ROBO2: variants seen among roughly 807,000 people sequenced by gnomAD.
The protein encoded by ROBO2 is roundabout homolog 2.
ROBO2 carries 53 observed loss-of-function variants against 160.8 expected under a neutral mutation model. That is an observed-to-expected ratio of 0.33 (90% CI 0.26 to 0.41). The LOEUF (loss-of-function observed/expected upper bound fraction) is 0.41. Among genes scored for constraint, ROBO2 ranks in the 10% least tolerant of loss-of-function variants. The pLI is 1.00. For synonymous variants in ROBO2, 664 were observed against 611.7 expected, an observed-to-expected ratio of 1.09 and a Z score of -1.26; for missense variants, 1,577 against 1,722.4, an observed-to-expected ratio of 0.92 and a Z score of 1.49.
At chr3:77,182,364 C>T (rs1045080763) in intron 2 of ROBO2, among the ~76,000 whole-genome samples, 9 of 151,968 alleles carry the variant, frequency 5.9e-5, no homozygotes, top group Non-Finnish European at 1.2e-4. Context: ...CTTAAAGGAT[C>T]GCTTGTCTAG....
At chr3:77,137,962 A>T (rs996545534) in intron 2 of ROBO2, among the ~76,000 whole-genome samples, 7 of 150,954 alleles carry the variant, frequency 4.6e-5, no homozygotes, top group Admixed American at 2.0e-4. Context: ...ATTTAACAGA[A>T]TTTTTTTTTT....
At chr3:76,837,459 A>T (rs2067802793) in intron 2 of ROBO2, among the ~76,000 whole-genome samples, 1 of 151,808 alleles carries the variant, frequency 6.6e-6, no homozygotes, top group Non-Finnish European at 1.5e-5. Context: ...TATCCCTTGA[A>T]GAGTTAAACC....
At chr3:76,967,183 C>A (rs1188425154) in intron 2 of ROBO2, among the ~76,000 whole-genome samples, 1 of 151,452 alleles carries the variant, frequency 6.6e-6, no homozygotes, top group Non-Finnish European at 1.5e-5. Context: ...TACACTGGCA[C>A]AAGCTGATGT....
At chr3:76,009,383 G>A (rs1385234013) in intron 2 of ROBO2, among the ~76,000 whole-genome samples, 5 of 152,184 alleles carry the variant, frequency 3.3e-5, no homozygotes, top group Admixed American at 2.6e-4. Context: ...GATTACAGGC[G>A]TAAGCCACCG....
intron 2 of ROBO2, among the ~76,000 whole-genome samples, chr3:76,874,435 A>C (rs868619416): frequency 6.6e-6 from 1 of 152,130 alleles, no homozygotes; most frequent in Non-Finnish European, 1.5e-5. Context: ...CTTTCTTTTT[A>C]AACTACATAA....
At chr3:77,124,252 G>T (rs920450084) in intron 2 of ROBO2, among the ~76,000 whole-genome samples, 1 of 152,138 alleles carries the variant, frequency 6.6e-6, no homozygotes, top group Non-Finnish European at 1.5e-5. Context: ...TCCTTCTTCA[G>T]AAGATGTCTT....
At chr3:76,088,942 C>T (rs560987196) in intron 2 of ROBO2, among the ~76,000 whole-genome samples, 6 of 151,692 alleles carry the variant, frequency 4.0e-5, no homozygotes, top group South Asian at 2.1e-4. Flanking sequence ...TTGGAAAGAT[C>T]GGAGTGGAAG....
chr3:76,874,295 T>C (rs1311841392), intron 2 of ROBO2, among the ~76,000 whole-genome samples: 1 of 152,196 alleles, frequency 6.6e-6, no homozygotes, highest in Admixed American at 6.5e-5. Context: ...ATTAAGAATC[T>C]TCCAAAGTCA....
exon 17 of ROBO2, chr3:77,588,907 A>C (rs746360677): frequency 1.2e-6 from 2 of 1,613,310 alleles, no homozygotes; most frequent in African/African-American, 2.7e-5. Flanking sequence ...CGAAGAAAGA[A>C]GAGGAAGGGA....
intron 2 of ROBO2, among the ~76,000 whole-genome samples, chr3:77,226,795 T>G (rs58963696): frequency 1.1e-3 from 173 of 152,188 alleles, no homozygotes; most frequent in African/African-American, 3.9e-3. Flanking sequence ...GTGTTAAATA[T>G]CTCATAAAAT....
intron 2 of ROBO2, among the ~76,000 whole-genome samples, chr3:77,165,285 CAT>C (rs1238738505): frequency 6.7e-6 from 1 of 148,730 alleles, no homozygotes; most frequent in South Asian, 2.2e-4. Context: ...CTCTCTGAAA[CAT>C]GTGCTGTGTC....
At chr3:76,831,066 T>C (rs1257820889) in intron 2 of ROBO2, among the ~76,000 whole-genome samples, 1 of 152,246 alleles carries the variant, frequency 6.6e-6, no homozygotes, top group African/African-American at 2.4e-5. Context: ...TTATCTTACA[T>C]TTATTCTTTT....
chr3:77,345,140 G>A (rs987101085), intron 2 of ROBO2, among the ~76,000 whole-genome samples: 10 of 152,090 alleles, frequency 6.6e-5, no homozygotes, highest in East Asian at 3.9e-4. Context: ...TACAGTTATC[G>A]AAACTGGCTT....
chr3:76,254,395 A>G (rs960021888), intron 2 of ROBO2, among the ~76,000 whole-genome samples: 86 of 152,200 alleles, frequency 5.7e-4, no homozygotes, highest in Middle Eastern at 3.4e-3. Context: ...AACACACTCC[A>G]CTAATAACTT....
At chr3:77,013,147 CTT>C (rs1210924221) in intron 2 of ROBO2, among the ~76,000 whole-genome samples, 2 of 151,978 alleles carry the variant, frequency 1.3e-5, no homozygotes, top group Admixed American at 1.3e-4. Context: ...ATATTAATGT[CTT>C]AATGTAATTT....
chr3:76,015,399 A>G (rs1304166060), intron 2 of ROBO2, among the ~76,000 whole-genome samples: 1 of 152,228 alleles, frequency 6.6e-6, no homozygotes, highest in Non-Finnish European at 1.5e-5. Context: ...ATTGAAAAAA[A>G]CAGATATCCA....
intron 2 of ROBO2, among the ~76,000 whole-genome samples, chr3:76,319,804 T>C (rs2072360821): frequency 6.6e-6 from 1 of 152,024 alleles, no homozygotes; most frequent in African/African-American, 2.4e-5. Context: ...CCTGTTCTTG[T>C]TTTTGTGATA....
At chr3:77,614,960 C>T (rs750433858) in intron 21 of ROBO2, among the ~76,000 whole-genome samples, 6 of 152,036 alleles carry the variant, frequency 3.9e-5, no homozygotes, top group African/African-American at 7.2e-5. Flanking sequence ...TCTCTTCCTC[C>T]GGGCTTCCAC....
In ROBO2 at chr3:76,441,245, A is replaced by G. The variant is rs999440980; in HGVS notation, c.109+503643A>G. On this transcript the variant is annotated intron_variant, in intron 2 of 26. Coordinates refer to the ROBO2 transcript ENST00000487694. ...CTTGGATAGAGAAAAGTTATCGAAG[A>G]GTTTCTAAGAAGCCTAGAATGTCTG... is the stretch of plus-strand genomic sequence containing the variant. Among the ~76,000 whole-genome samples, 7 of 152,196 alleles carry G rather than the reference A, an allele frequency of 4.6e-5. No individual in the cohort carries two copies. In the South Asian group the frequency reaches 6.2e-4, roughly 13 times the overall value.
Sources: gnomAD v4.1 joint callset for allele counts (sites outside exome capture counted in the v4.1 genomes callset) on GRCh38, gnomAD v4.1.1 for gene constraint, MANE v1.5 for transcripts, NCBI Gene and HGNC (gene_info 2026-07-23, HGNC 2026-07-21) for gene names.